Variants in PCDHA5 observed in about 807,000 individuals in gnomAD.
PCDHA5 encodes the protein protocadherin alpha-5.
In PCDHA5, 43 loss-of-function variants were observed where a neutral mutation model predicts 61.6. The ratio of observed to expected loss-of-function variants is 0.70; its 90% CI spans 0.55 to 0.90. The LOEUF (loss-of-function observed/expected upper bound fraction) is 0.90. Ranked by LOEUF, PCDHA5 falls within the 40% of genes least tolerant of loss-of-function variation. The pLI is 0.00. For synonymous variants in PCDHA5, 627 were observed against 543.9 expected (o/e 1.15, Z -2.13); for missense variants, 1,298 against 1,222.7 (o/e 1.06, Z -0.92).
chr5:140,959,780 A>G (rs2095510657), intron 1 of PCDHA5, among the ~76,000 whole-genome samples: 1 of 152,262 alleles, frequency 6.6e-6, no homozygotes. Flanking sequence ...AACAGTGTAT[A>G]TTAACATGGC....
intron 1 of PCDHA5, among the ~76,000 whole-genome samples, chr5:140,874,298 G>T (rs887601408): frequency 1.3e-5 from 2 of 152,114 alleles, no homozygotes; most frequent in African/African-American, 2.4e-5. Context: ...ATGTGTACTT[G>T]TTCACAATGA....
In PCDHA5 at chr5:140,871,383, G is replaced by C. The variant is rs200820570; in HGVS notation, c.2352+47256G>C. 9.3e-6 allele frequency: 15 copies of C among 1,614,204 alleles called. No homozygotes were observed. The highest frequency in any genetic ancestry group is 6.7e-5 in the East Asian group (3 of 44,886). Reference sequence around the variant, plus strand: ...AGAGGCGGCAGAGGGTGTGCTCTGAGGAGGGCCCACCTAAGACGGACCTCA... The same window carrying C: ...AGAGGCGGCAGAGGGTGTGCTCTGACGAGGGCCCACCTAAGACGGACCTCA... On this transcript the variant is annotated intron_variant, in intron 1 of 3. Coordinates refer to ENST00000529859, the MANE Select transcript of PCDHA5 (RefSeq NM_018908.3).
intron 1 of PCDHA5, chr5:140,863,570 G>A (rs912173891): frequency 1.9e-5 from 7 of 370,768 alleles, no homozygotes; most frequent in South Asian, 4.2e-5. Flanking sequence ...GAGAATATAA[G>A]TACTGTAATC....
chr5:140,880,736 T>C (rs1554171410), intron 1 of PCDHA5, among the ~76,000 whole-genome samples: 4 of 152,068 alleles, frequency 2.6e-5, no homozygotes, highest in Non-Finnish European at 5.9e-5. Context: ...ATAGAGAAAA[T>C]GGATTGTCAG....
In PCDHA5 at chr5:140,927,203, C is replaced by T. The variant is rs782141467; in HGVS notation, c.2353-51746C>T. ...ACCTACGACCTGGTGCTCGAGGACC[C>T]GCTGGAGCTGCACAAGATTCGGATT... On this transcript the variant is annotated intron_variant, in intron 1 of 3. Transcript: ENST00000529859. 65 of 1,614,104 alleles carry T rather than the reference C, an allele frequency of 4.0e-5. No homozygotes were observed. Among genetic ancestry groups the T allele is most frequent in the Non-Finnish European group, 5.1e-5 (60 of 1,180,040 alleles).
chr5:140,954,046 G>C (rs1554221229), intron 1 of PCDHA5, among the ~76,000 whole-genome samples: 1 of 152,124 alleles, frequency 6.6e-6, no homozygotes, highest in African/African-American at 2.4e-5. Context: ...TTGGTTTTCT[G>C]TTCCTGCATT....
At chr5:140,882,344 A>T in intron 1 of PCDHA5, 2 of 1,614,084 alleles carry the variant, frequency 1.2e-6, no homozygotes, top group Admixed American at 3.3e-5. Flanking sequence ...AGCCTGGGAG[A>T]CGGGTAGTGG....
intron 1 of PCDHA5, among the ~76,000 whole-genome samples, chr5:140,881,694 G>C (rs1375930995): frequency 6.6e-6 from 1 of 152,126 alleles, no homozygotes; most frequent in Non-Finnish European, 1.5e-5. Flanking sequence ...TCCTTTTGGA[G>C]TCAATGGCTG....
intron 1 of PCDHA5, among the ~76,000 whole-genome samples, chr5:140,900,435 G>A (rs1219799362): frequency 3.3e-5 from 5 of 152,088 alleles, no homozygotes; most frequent in African/African-American, 9.7e-5. Context: ...GTGCCACCAC[G>A]GCCGGCTAAT....
intron 1 of PCDHA5, chr5:140,843,947 C>G: frequency 1.8e-6 from 1 of 565,064 alleles, no homozygotes; most frequent in Non-Finnish European, 3.1e-6. Context: ...GGATGATATC[C>G]ATTTTTTACT....
At chr5:140,874,633 C>T (rs1399730965) in intron 1 of PCDHA5, among the ~76,000 whole-genome samples, 3 of 152,208 alleles carry the variant, frequency 2.0e-5, no homozygotes, top group African/African-American at 7.2e-5. Flanking sequence ...CATTAAAGTG[C>T]TTTACTTTTG....
chr5:140,978,906 T>C, intron 1 of PCDHA5, 43 bp from the exon 2 acceptor site: 1 of 1,613,530 alleles, frequency 6.2e-7, no homozygotes, highest in Non-Finnish European at 8.5e-7. Flanking sequence ...GGGAGAACAT[T>C]GTCTTGTCAT....
Position 140,823,993 on chromosome 5 carries a change from T to C in PCDHA5, c.2218T>C (p.Cys740Arg). ...CACACGGGGCAAGCCCACTCTGTTG[T>C]GCTCCAGCGCGGTGGGGAGCTGGTC... is the stretch of plus-strand genomic sequence containing the variant. ...VCTRGKPTLL[C>R]SSAVGSWSYS... The change falls in exon 1 of 4, where the codon TGC becomes CGC. Residue 740 changes from cysteine (C) to arginine (R), a missense_variant. Transcript: ENST00000529859. 6.2e-7 allele frequency: 1 copy of C among 1,613,980 alleles called. No individual in the cohort carries two copies. The highest frequency in any genetic ancestry group is 8.5e-7 in the Non-Finnish European group (1 of 1,179,986).
intron 1 of PCDHA5, chr5:140,849,876 A>T (rs191347173): frequency 4.4e-6 from 7 of 1,598,522 alleles, no homozygotes; most frequent in Middle Eastern, 1.7e-4. Context: ...GTCCGAGTAC[A>T]CGGTGTTCGT....
At chr5:140,874,326 GT>G (rs150189539) in intron 1 of PCDHA5, among the ~76,000 whole-genome samples, 3,860 of 152,194 alleles carry the variant, frequency 0.025, 154 homozygotes, top group African/African-American at 0.088. Flanking sequence ...GATCTTATCT[GT>G]TTTTTTCTCT....
intron 1 of PCDHA5, among the ~76,000 whole-genome samples, chr5:140,943,548 G>A (rs1280986902): frequency 6.6e-6 from 1 of 152,152 alleles, no homozygotes; most frequent in African/African-American, 2.4e-5. Context: ...GTAAATAGAC[G>A]TAGACAATAA....
At chr5:140,963,195 T>TG (rs1323958663) in intron 1 of PCDHA5, among the ~76,000 whole-genome samples, 4 of 150,680 alleles carry the variant, frequency 2.7e-5, no homozygotes, top group Non-Finnish European at 5.9e-5. Flanking sequence ...ACTGTGAAAA[T>TG]GAAAAAAAAA....
intron 1 of PCDHA5, among the ~76,000 whole-genome samples, chr5:140,936,367 A>G (rs1347774517): frequency 2.0e-5 from 3 of 152,348 alleles, no homozygotes; most frequent in East Asian, 1.9e-4. Flanking sequence ...GCTACTGAGC[A>G]CTTGAAATGT....
At chr5:140,834,395 G>A in intron 1 of PCDHA5, 1 of 1,598,712 alleles carries the variant, frequency 6.3e-7, no homozygotes, top group Non-Finnish European at 8.5e-7. Context: ...TGGTGTGCCC[G>A]AATGGATACG....
Sources: allele counts gnomAD v4.1 joint callset (sites outside exome capture counted in the v4.1 genomes callset), GRCh38; gene constraint gnomAD v4.1.1; transcripts MANE v1.5; gene names NCBI Gene and HGNC (gene_info 2026-07-23, HGNC 2026-07-21).